The following ERC2 variants were observed in gnomAD, a reference collection of about 807,000 sequenced individuals.
ERC2 encodes the protein ELKS/RAB6-interacting/CAST family member 2.
A neutral mutation model predicts 114.8 loss-of-function variants in ERC2; 42 were observed. The observed-to-expected ratio is 0.37, with a 90% CI of 0.29 to 0.47. The LOEUF (loss-of-function observed/expected upper bound fraction) is 0.47. Ranked by LOEUF, ERC2 falls within the 20% of genes least tolerant of loss-of-function variation. ERC2 has a pLI of 0.99. For missense variants in ERC2, 939 were observed against 1,150.7 expected, an observed-to-expected ratio of 0.82 and a Z score of 2.66; for synonymous variants, 454 against 425.5, an observed-to-expected ratio of 1.07 and a Z score of -0.82.
intron 17 of ERC2, among the ~76,000 whole-genome samples, chr3:55,578,410 C>T (rs1167861408): frequency 6.6e-6 from 1 of 152,174 alleles, no homozygotes; most frequent in Admixed American, 6.5e-5. Flanking sequence ...TTGGCTCCTA[C>T]CACAGTCTGC....
chr3:56,200,964 A>G (rs2048373147), intron 3 of ERC2, among the ~76,000 whole-genome samples: 1 of 152,200 alleles, frequency 6.6e-6, no homozygotes, highest in Non-Finnish European at 1.5e-5. Context: ...GCTACCATTT[A>G]ATGGGCAATT....
chr3:55,676,908 C>T (rs1287921554), intron 17 of ERC2, among the ~76,000 whole-genome samples: 1 of 152,164 alleles, frequency 6.6e-6, no homozygotes, highest in East Asian at 1.9e-4. Flanking sequence ...TTTATGATTT[C>T]TCAGCCAGAT....
chr3:56,177,820 T>A, intron 3 of ERC2, among the ~76,000 whole-genome samples: 1 of 152,152 alleles, frequency 6.6e-6, no homozygotes, highest in East Asian at 1.9e-4. Context: ...AGCTCTGAAA[T>A]TATCCAGATT....
At chr3:56,154,467 C>G (rs1210932011) in intron 4 of ERC2, among the ~76,000 whole-genome samples, 2 of 152,128 alleles carry the variant, frequency 1.3e-5, no homozygotes, top group African/African-American at 4.8e-5. Context: ...CTGACTCATT[C>G]TTCATGAAAC....
rs986251794 is a variant in ERC2 at position 55,845,286 on chromosome 3, C to T, written c.2564+43103G>A. On this transcript the variant is annotated intron_variant, in intron 14 of 17. Coordinates refer to ENST00000288221, the MANE Select transcript of ERC2 (RefSeq NM_015576.3). Reference sequence around the variant, plus strand: ...TTGGGAGGCCGAGGCGGGCGGATCACGAGGTCAGGAGATCGAGACCATCCC... The same window carrying T: ...TTGGGAGGCCGAGGCGGGCGGATCATGAGGTCAGGAGATCGAGACCATCCC... 5.3e-5 allele frequency among the ~76,000 whole-genome samples: 8 copies of T among 152,102 alleles called. No homozygotes were observed. In the East Asian group the frequency reaches 9.7e-4, roughly 18 times the overall value.
At chr3:56,125,259 T>C (rs528700332) in intron 6 of ERC2, among the ~76,000 whole-genome samples, 1 of 152,336 alleles carries the variant, frequency 6.6e-6, no homozygotes, top group African/African-American at 2.4e-5. Context: ...ATCAGGCTTA[T>C]GTTTTACTCA....
intron 6 of ERC2, among the ~76,000 whole-genome samples, chr3:56,133,292 C>T (rs1484036501): frequency 6.6e-6 from 1 of 152,116 alleles, no homozygotes; most frequent in East Asian, 1.9e-4. Context: ...CAAAAATTAG[C>T]TGGGTATGGT....
intron 14 of ERC2, among the ~76,000 whole-genome samples, chr3:55,851,767 A>G (rs1447286370): frequency 6.6e-6 from 1 of 151,218 alleles, no homozygotes. Context: ...AAAAAAAAAA[A>G]AGAATCCTTT....
intron 1 of ERC2, among the ~76,000 whole-genome samples, chr3:56,443,088 C>A (rs1178983455): frequency 6.6e-6 from 1 of 152,020 alleles, no homozygotes; most frequent in Non-Finnish European, 1.5e-5. Flanking sequence ...CCTACTAGGC[C>A]AGGAAATAAA....
chr3:55,610,064 CAAAAAAAAA>C (rs36088271), intron 17 of ERC2, among the ~76,000 whole-genome samples: 4 of 118,780 alleles, frequency 3.4e-5, no homozygotes, highest in East Asian at 2.7e-4. Context: ...CAAACACAAA[CAAAAAAAAA>C]AAAAAAAAAA....
intron 7 of ERC2, among the ~76,000 whole-genome samples, chr3:56,054,154 T>C (rs2075900081): frequency 6.6e-6 from 1 of 152,210 alleles, no homozygotes; most frequent in South Asian, 2.1e-4. Flanking sequence ...TGATATAAAG[T>C]TGGTCTTTTA....
rs58749389 is a variant in ERC2, at chr3:55,539,415, C to CTT, written c.*40-28141_*40-28140dup. On this transcript the variant is annotated intron_variant, in intron 17 of 17. Coordinates refer to ENST00000288221, the MANE Select transcript of ERC2 (RefSeq NM_015576.3). ...TCTCTCTCTCTCTCTTTTTTTCTTTCTTTTTTTTTTTTTTTTTTTTTTTTT... is the reference window on the plus strand; with the variant it reads ...TCTCTCTCTCTCTCTTTTTTTCTTTCTTTTTTTTTTTTTTTTTTTTTTTTTTT... 5.9e-3 allele frequency among the ~76,000 whole-genome samples: 232 copies of CTT among 39,102 alleles called. 32 individuals carry two copies. Among genetic ancestry groups the CTT allele is most frequent in the African/African-American group, 0.017 (199 of 11,520 alleles). The allele number at this position is 39,102 out of a possible 152,430, so 25.7% of individuals were successfully genotyped here. A position where few individuals can be genotyped will look rare whatever the true frequency, so the allele number is the denominator to read the frequency against.
chr3:56,246,544 C>T (rs1443766049), intron 3 of ERC2, among the ~76,000 whole-genome samples: 1 of 152,016 alleles, frequency 6.6e-6, no homozygotes, highest in Non-Finnish European at 1.5e-5. Flanking sequence ...AATCATGTTT[C>T]CAGATTAACT....
intron 15 of ERC2, among the ~76,000 whole-genome samples, chr3:55,706,948 C>T (rs538365925): frequency 3.3e-5 from 5 of 152,334 alleles, no homozygotes; most frequent in South Asian, 2.1e-4. Context: ...GAGACTCAGA[C>T]TGAATCAGGA....
intron 1 of ERC2, among the ~76,000 whole-genome samples, chr3:56,467,491 AC>A (rs2107604387): frequency 6.6e-6 from 1 of 152,300 alleles, no homozygotes. Context: ...CTATTTTATT[AC>A]CCCGAACCAA....
At chr3:55,935,461 C>A (rs2066380251) in intron 13 of ERC2, among the ~76,000 whole-genome samples, 1 of 152,184 alleles carries the variant, frequency 6.6e-6, no homozygotes, top group Admixed American at 6.5e-5. Flanking sequence ...TGTGCATTTG[C>A]TGAATAGCTC....
At chr3:55,720,136 CTTCTTCCTCTTCTTCTTCTTCTTCTTCT>C (rs1559546957) in intron 15 of ERC2, among the ~76,000 whole-genome samples, 150 of 3,098 alleles carry the variant, frequency 0.048, 62 homozygotes, top group East Asian at 0.24. Context: ...TCTTCCTCTT[CTTCTTCCTCTTCTTCTTCTTCTTCTTCT>C]TCTTCTTCTT....
At chr3:55,783,771 C>G (rs1393544105) in intron 14 of ERC2, among the ~76,000 whole-genome samples, 1 of 152,078 alleles carries the variant, frequency 6.6e-6, no homozygotes, top group Admixed American at 6.5e-5. Context: ...CAGGTGATAA[C>G]GTGAGGATCA....
chr3:56,018,285 G>A (rs1446804600), intron 8 of ERC2, among the ~76,000 whole-genome samples: 2 of 152,164 alleles, frequency 1.3e-5, no homozygotes, highest in African/African-American at 4.8e-5. Flanking sequence ...TCAGACCTAG[G>A]ATTTGATCCC....
Sources: gnomAD v4.1 joint callset for allele counts (sites outside exome capture counted in the v4.1 genomes callset) on GRCh38, gnomAD v4.1.1 for gene constraint, MANE v1.5 for transcripts, NCBI Gene and HGNC (gene_info 2026-07-23, HGNC 2026-07-21) for gene names.